GPC6: variants seen among roughly 807,000 people sequenced by gnomAD.
The protein encoded by GPC6 is glypican 6.
A neutral mutation model predicts 55.2 loss-of-function variants in GPC6; 14 were observed. That is an observed-to-expected ratio of 0.25 (90% confidence interval 0.17 to 0.40). The LOEUF (loss-of-function observed/expected upper bound fraction) is 0.40, where lower values mean the gene tolerates loss of function less well. Ranked by LOEUF, GPC6 falls within the 10% of genes least tolerant of loss-of-function variation. The probability of loss-of-function intolerance (pLI) is 1.00; values close to 1 mark genes in which losing one functional copy is unlikely to be tolerated. For synonymous variants in GPC6, 278 were observed against 259.6 expected (o/e 1.07, Z -0.68); for missense variants, 641 against 708.5 (o/e 0.90, Z 1.08).
intron 1 of GPC6, among the ~76,000 whole-genome samples, chr13:93,315,242 A>G (rs2139114751): frequency 6.6e-6 from 1 of 152,228 alleles, no homozygotes; most frequent in East Asian, 1.9e-4. Flanking sequence ...TGTTATGAAC[A>G]GGATGTTACT....
intron 2 of GPC6, among the ~76,000 whole-genome samples, chr13:93,769,560 A>C (rs913009815): frequency 1.3e-4 from 20 of 151,352 alleles, no homozygotes; most frequent in African/African-American, 4.9e-4. Context: ...TTCCTCTTGC[A>C]CTCCTCTTCT....
Position 93,227,390 on chromosome 13 carries a change from G to T in GPC6, c.-67G>T. 1.3e-6 allele frequency: 2 copies of T among 1,549,736 alleles called. No homozygotes were observed. Among genetic ancestry groups the T allele is most frequent in the Non-Finnish European group, 1.8e-6 (2 of 1,129,330 alleles). On this transcript the variant is annotated 5_prime_UTR_variant, in exon 1 of 9. Transcript: ENST00000377047. This position sits in a 1 kb window ranked among gnomAD's most constrained non-coding sequence, Gnocchi z 4.3. ...CGCCGCTGCCTCTGGCGGGCTTTCG[G>T]CTTGAGGGGCAAGGTGAAGAGCGCA...
intron 1 of GPC6, among the ~76,000 whole-genome samples, chr13:93,354,615 C>T (rs1419388757): frequency 2.0e-5 from 3 of 151,370 alleles, no homozygotes; most frequent in South Asian, 2.1e-4. Context: ...CCGCCCGCCT[C>T]GGCCTCCCAA....
intron 1 of GPC6, among the ~76,000 whole-genome samples, chr13:93,297,863 A>G (rs938273110): frequency 6.6e-6 from 1 of 152,168 alleles, no homozygotes; most frequent in Admixed American, 6.6e-5. Context: ...ATGGGACATA[A>G]GTAGGGTGTG....
chr13:93,439,924 A>G (rs1048902075), intron 1 of GPC6, among the ~76,000 whole-genome samples: 5 of 152,132 alleles, frequency 3.3e-5, no homozygotes, highest in African/African-American at 1.2e-4. Flanking sequence ...TCATATGACA[A>G]TGGCACAAAA....
chr13:94,388,213 T>C (rs1425481874), intron 7 of GPC6, among the ~76,000 whole-genome samples: 2 of 152,244 alleles, frequency 1.3e-5, no homozygotes, highest in East Asian at 3.8e-4. Context: ...GATATTACCT[T>C]TTTCAGTCCA....
chr13:93,393,370 T>A (rs1875721709), intron 1 of GPC6, among the ~76,000 whole-genome samples: 1 of 151,868 alleles, frequency 6.6e-6, no homozygotes, highest in Non-Finnish European at 1.5e-5. Context: ...GAACTCCTGA[T>A]CTCGTGATCG....
At chr13:94,394,852 G>A (rs1566755267) in intron 7 of GPC6, among the ~76,000 whole-genome samples, 1 of 152,184 alleles carries the variant, frequency 6.6e-6, no homozygotes, top group African/African-American at 2.4e-5. Flanking sequence ...GTTAGAGGCT[G>A]GGTTTACTTG....
At chr13:93,834,546 A>G (rs867032894) in intron 3 of GPC6, among the ~76,000 whole-genome samples, 9 of 152,184 alleles carry the variant, frequency 5.9e-5, no homozygotes, top group African/African-American at 1.4e-4. Context: ...TATCAATAAC[A>G]TACTATTTCT....
At chr13:93,987,257 GA>G (rs1881073650) in intron 3 of GPC6, among the ~76,000 whole-genome samples, 1 of 152,144 alleles carries the variant, frequency 6.6e-6, no homozygotes, top group Non-Finnish European at 1.5e-5. Context: ...GGAACATGGT[GA>G]AAACTTTCAT....
At chr13:94,248,099 T>C (rs1360065886) in intron 4 of GPC6, among the ~76,000 whole-genome samples, 1 of 152,146 alleles carries the variant, frequency 6.6e-6, no homozygotes, top group Non-Finnish European at 1.5e-5. Context: ...TCCAGCTCTA[T>C]TTCTGAAAAC....
intron 1 of GPC6, among the ~76,000 whole-genome samples, chr13:93,492,226 A>T (rs1464461321): frequency 1.4e-5 from 2 of 146,888 alleles, no homozygotes; most frequent in African/African-American, 5.1e-5. Context: ...CTCCTTGAAG[A>T]GGTCCTTCAC....
intron 4 of GPC6, among the ~76,000 whole-genome samples, chr13:94,084,760 G>A (rs1326436225): frequency 6.6e-6 from 1 of 152,142 alleles, no homozygotes; most frequent in Non-Finnish European, 1.5e-5. Flanking sequence ...AGCTTATTTG[G>A]TAGCAGAAGA....
At chr13:93,982,922 C>A (rs879481963) in intron 3 of GPC6, among the ~76,000 whole-genome samples, 2 of 152,120 alleles carry the variant, frequency 1.3e-5, no homozygotes, top group Non-Finnish European at 2.9e-5. Flanking sequence ...CTGGGAAATC[C>A]AATTCCTACT....
At chr13:93,634,112 G>A (rs1357085326) in intron 2 of GPC6, among the ~76,000 whole-genome samples, 1 of 152,170 alleles carries the variant, frequency 6.6e-6, no homozygotes, top group Non-Finnish European at 1.5e-5. Flanking sequence ...AAGAGGATAT[G>A]AAAACTGCTG....
chr13:93,800,666 T>A (rs1483135853), intron 2 of GPC6, among the ~76,000 whole-genome samples: 1 of 152,234 alleles, frequency 6.6e-6, no homozygotes, highest in Non-Finnish European at 1.5e-5. Context: ...TCTATGAGAA[T>A]GTGGCCTATA....
intron 3 of GPC6, among the ~76,000 whole-genome samples, chr13:93,895,218 A>ATGTGTGTG (rs1299548089): frequency 5.0e-5 from 3 of 60,444 alleles, no homozygotes; most frequent in African/African-American, 2.8e-4. Flanking sequence ...GTGTGTGTGT[A>ATGTGTGTG]TGTATGTGTG....
chr13:93,384,577 G>A lies in GPC6; in HGVS notation c.160+156961G>A, dbSNP rs150591704. 4.2e-3 allele frequency among the ~76,000 whole-genome samples: 642 copies of A among 152,242 alleles called. 5 individuals are homozygous for A. Among genetic ancestry groups the A allele is most frequent in the African/African-American group, 0.015 (608 of 41,558 alleles). On this transcript the variant is annotated intron_variant, in intron 1 of 8. Transcript: ENST00000377047. ...CAAAGATCTGTAACTGTAAAGTAAT[G>A]CACTAGAAGAAAGATATAGTGATGA...
At chr13:93,737,386 A>G (rs1443883127) in intron 2 of GPC6, among the ~76,000 whole-genome samples, 1 of 152,204 alleles carries the variant, frequency 6.6e-6, no homozygotes, top group Non-Finnish European at 1.5e-5. Flanking sequence ...CTTCTGAAGT[A>G]CATTAAAGAT....
Sources: gnomAD v4.1 joint callset for allele counts (sites outside exome capture counted in the v4.1 genomes callset) on GRCh38, gnomAD v4.1.1 for gene constraint, Gnocchi (gnomAD v3.1) non-coding constraint, MANE v1.5 for transcripts, NCBI Gene and HGNC (gene_info 2026-07-23, HGNC 2026-07-21) for gene names.